The following ZNF761 variants were observed in gnomAD, a reference collection of about 807,000 sequenced individuals.
ZNF761 encodes zinc finger protein 761.
In ZNF761, 43 loss-of-function variants were observed where a neutral mutation model predicts 59.9. That is an observed-to-expected ratio of 0.72 (90% CI 0.56 to 0.92). The LOEUF (loss-of-function observed/expected upper bound fraction) is 0.92, where lower values mean the gene tolerates loss of function less well. ZNF761 is among the 40% of genes least tolerant of loss of function. The pLI is 0.00. For synonymous variants in ZNF761, 294 were observed against 304.8 expected (o/e 0.96, Z 0.37); for missense variants, 850 against 906.1 (o/e 0.94, Z 0.79).
At chr19:53,439,144 G>A (rs112872090) in intron 1 of ZNF761, among the ~76,000 whole-genome samples, 22,826 of 151,712 alleles carry the variant, frequency 0.15, 1,815 homozygotes, top group East Asian at 0.24. Context: ...GGTGGCAGGC[G>A]CCTGTAATCC....
At chr19:53,436,860 C>T (rs564124153) in intron 1 of ZNF761, among the ~76,000 whole-genome samples, 4 of 152,280 alleles carry the variant, frequency 2.6e-5, no homozygotes, top group East Asian at 3.9e-4. Context: ...GCCTCTGGCA[C>T]GGGGCAGTTC....
At chr19:53,445,232 G>T (rs1331712669) in intron 1 of ZNF761, 1 of 152,022 alleles carries the variant, frequency 6.6e-6, no homozygotes, top group Admixed American at 6.6e-5. Context: ...CAATAGCTGT[G>T]TGTTCACACT....
chr19:53,449,060 G>A (rs1259746786), intron 3 of ZNF761, among the ~76,000 whole-genome samples: 3 of 152,158 alleles, frequency 2.0e-5, no homozygotes, highest in African/African-American at 4.8e-5. Context: ...GGCCGGGCGC[G>A]GTGGATCACG....
chr19:53,446,443 T>G (rs985474626), intron 2 of ZNF761, 106 bp downstream of exon 2: 2 of 152,174 alleles, frequency 1.3e-5, no homozygotes, highest in African/African-American at 4.8e-5. Flanking sequence ...TGGCATGATC[T>G]TGGCTCAGTG....
chr19:53,441,687 TC>T, intron 1 of ZNF761: 1 of 503,198 alleles, frequency 2.0e-6, no homozygotes, highest in East Asian at 3.9e-5. Context: ...CCTCAGGTGA[TC>T]CACTCGCCTT....
At chr19:53,433,075 C>T (rs1012825234) in intron 1 of ZNF761, among the ~76,000 whole-genome samples, 4 of 133,960 alleles carry the variant, frequency 3.0e-5, no homozygotes, top group African/African-American at 1.1e-4. Flanking sequence ...GAGAATTTAA[C>T]GGGGAGAGCA....
intron 3 of ZNF761, among the ~76,000 whole-genome samples, chr19:53,448,472 A>G (rs144938419): frequency 1.3e-5 from 2 of 152,180 alleles, no homozygotes; most frequent in Non-Finnish European, 2.9e-5. Context: ...GGGAGCCACT[A>G]CTGTCAGTTC....
At chr19:53,449,176 A>T (rs1179280067) in intron 3 of ZNF761, among the ~76,000 whole-genome samples, 2 of 152,148 alleles carry the variant, frequency 1.3e-5, no homozygotes, top group African/African-American at 2.4e-5. Context: ...CTAAAAATAC[A>T]AAAATTAACT....
intron 4 of ZNF761, among the ~76,000 whole-genome samples, 182 bp from the exon 5 acceptor site, chr19:53,454,468 T>C (rs112843757): frequency 6.6e-6 from 1 of 152,186 alleles, no homozygotes; most frequent in Non-Finnish European, 1.5e-5. Flanking sequence ...GTAAAAATAA[T>C]TTGAAGCACA....
Position 53,456,435 on chromosome 19 carries a change from T to A in ZNF761, c.1928T>A (p.Phe643Tyr). The change falls in exon 5 of 5, where the codon TTC becomes TAC. Residue 643 changes from phenylalanine (F) to tyrosine (Y), a missense_variant. Physicochemically the swap from Phe to Tyr is conservative, Grantham distance 22 (BLOSUM62 3). Coordinates refer to ENST00000684525, the MANE Select transcript of ZNF761 (RefSeq NM_001289951.2). Reference protein sequence around the residue: ...PYKCEECDKAFRVKSNLEGHR... With the variant: ...PYKCEECDKAYRVKSNLEGHR... The stretch of plus-strand genomic sequence containing the variant: ...AAATGTGAAGAATGTGACAAAGCTT[T>A]CCGTGTGAAATCAAACCTTGAAGGA... 2 of 1,611,772 alleles carry A rather than the reference T, an allele frequency of 1.2e-6. No homozygotes were observed. The highest frequency in any genetic ancestry group is 1.7e-6 in the Non-Finnish European group (2 of 1,179,430).
rs780041357 is a variant in ZNF761, at chr19:53,456,254, A to G, written c.1747A>G (p.Ser583Gly). Residue 583 changes from serine (S) to glycine (G), a missense_variant, in exon 5 of 5, where the codon AGT becomes GGT. Ser to Gly is a moderately conservative substitution (Grantham distance 56). Transcript: ENST00000684525. ...AGAGAACCCTTACAAATGTGAAGAT[A>G]GTGACAAAGCTTACAGTTTCAAATC... ...SGENPYKCED[S>G]DKAYSFKSNL... 6.2e-7 allele frequency: 1 copy of G among 1,613,128 alleles called. No individual in the cohort carries two copies. The highest frequency in any genetic ancestry group is 1.7e-5 in the Admixed American group (1 of 59,936).
chr19:53,440,687 A>G, intron 1 of ZNF761, among the ~76,000 whole-genome samples: 1 of 88,840 alleles, frequency 1.1e-5, no homozygotes, highest in East Asian at 2.5e-4. Context: ...TTAATTAATA[A>G]TTAGTATTTT....
At chr19:53,434,525 G>A (rs1049690132) in intron 1 of ZNF761, among the ~76,000 whole-genome samples, 6 of 152,128 alleles carry the variant, frequency 3.9e-5, no homozygotes, top group African/African-American at 1.2e-4. Context: ...CAGGAGAATG[G>A]GTTTGGATGA....
At chr19:53,441,016 C>T (rs2086094013) in intron 1 of ZNF761, among the ~76,000 whole-genome samples, 1 of 152,142 alleles carries the variant, frequency 6.6e-6, no homozygotes, top group African/African-American at 2.4e-5. Context: ...ACGTGGTGGC[C>T]CCTGCCATTA....
At chr19:53,439,270 C>CAAA (rs71185881) in intron 1 of ZNF761, among the ~76,000 whole-genome samples, 2,963 of 132,748 alleles carry the variant, frequency 0.022, 131 homozygotes, top group African/African-American at 0.074. Flanking sequence ...GACTCTGACT[C>CAAA]AAAAAAAAAA....
At chr19:53,433,676 G>C (rs1315104505) in intron 1 of ZNF761, among the ~76,000 whole-genome samples, 2 of 152,010 alleles carry the variant, frequency 1.3e-5, no homozygotes, top group South Asian at 4.1e-4. Context: ...TATTTATATC[G>C]GGCTATTAGC....
At chr19:53,446,790 C>T (rs2086164872) in intron 2 of ZNF761, among the ~76,000 whole-genome samples, 1 of 152,102 alleles carries the variant, frequency 6.6e-6, no homozygotes, top group African/African-American at 2.4e-5. Context: ...ACAACCATGC[C>T]TGGCTAAGTT....
Position 53,443,061 on chromosome 19 carries a change from A to C in ZNF761, c.-184-3166A>C, listed in dbSNP as rs2086116892. 3 of 241,578 alleles carry C rather than the reference A, an allele frequency of 1.2e-5. No individual in the cohort carries two copies. In the Admixed American group the frequency reaches 1.6e-4, roughly 13 times the overall value. The allele number at this position is 241,578 out of a possible 1,614,324, so 15.0% of individuals were successfully genotyped here. A position where few individuals can be genotyped will look rare whatever the true frequency, so the allele number is the denominator to read the frequency against. On this transcript the variant is annotated intron_variant, in intron 1 of 4. Coordinates refer to ENST00000684525, the MANE Select transcript of ZNF761 (RefSeq NM_001289951.2). ...GTTTGAAACTAGTTGCGTCCAGTTC[A>C]GATCAAGGTCTGCATGCTTTCTAGT...
intron 1 of ZNF761, among the ~76,000 whole-genome samples, chr19:53,441,563 C>T (rs1357743575): frequency 6.6e-6 from 1 of 151,642 alleles, no homozygotes; most frequent in African/African-American, 2.4e-5. Context: ...TCTTTTGCCT[C>T]AACCTCCTGA....
Sources: gnomAD v4.1 joint callset for allele counts (sites outside exome capture counted in the v4.1 genomes callset) on GRCh38, gnomAD v4.1.1 for gene constraint, MANE v1.5 for transcripts, NCBI Gene and HGNC (gene_info 2026-07-23, HGNC 2026-07-21) for gene names.